SLMAP: variants seen among roughly 807,000 people sequenced by gnomAD.
The protein encoded by SLMAP is sarcolemmal membrane-associated protein.
Under a neutral mutation model 128.8 loss-of-function variants are expected in SLMAP, and 44 were observed. The observed-to-expected ratio is 0.34, with a 90% CI of 0.27 to 0.44. The LOEUF (loss-of-function observed/expected upper bound fraction) is 0.44, where lower values mean the gene tolerates loss of function less well. SLMAP is among the 20% of genes least tolerant of loss of function. The pLI is 1.00. For missense variants in SLMAP, 787 were observed against 985.3 expected (o/e 0.80, Z 2.69); for synonymous variants, 327 against 348.8 (o/e 0.94, Z 0.70).
intron 15 of SLMAP, chr3:57,890,945 T>A (rs2096053162): frequency 6.6e-6 from 1 of 152,224 alleles, no homozygotes; most frequent in South Asian, 2.1e-4. Flanking sequence ...ATTTCAAATA[T>A]CTCGTGGTTT....
At chr3:57,797,821 T>A (rs1324631859) in intron 2 of SLMAP, among the ~76,000 whole-genome samples, 1 of 152,138 alleles carries the variant, frequency 6.6e-6, no homozygotes, top group Non-Finnish European at 1.5e-5. Flanking sequence ...AAGTGATGAG[T>A]TGGGCTAAAA....
intron 2 of SLMAP, among the ~76,000 whole-genome samples, chr3:57,786,603 C>T (rs1280926499): frequency 6.8e-6 from 1 of 146,176 alleles, no homozygotes; most frequent in Admixed American, 7.0e-5. Context: ...GTTATCCAGG[C>T]TGGAGTGCAG....
In SLMAP at chr3:57,832,979, C is replaced by T. The variant is rs1374153000; in HGVS notation, c.346+1449C>T. Among the ~76,000 whole-genome samples, 3 of 152,150 alleles carry T rather than the reference C, an allele frequency of 2.0e-5. No homozygotes were observed. The East Asian group carries it at 5.8e-4, about 29-fold the overall frequency. The stretch of plus-strand genomic sequence containing the variant: ...TTAGACACTCCTATATCTGCTGTTG[C>T]CATATCACACCTACAAGTCATTCAG... On this transcript the variant is annotated intron_variant, in intron 3 of 24. Coordinates refer to ENST00000671191, the MANE Select transcript of SLMAP (RefSeq NM_001377540.1).
chr3:57,778,987 C>T (rs1429153987), intron 2 of SLMAP, among the ~76,000 whole-genome samples: 6 of 151,930 alleles, frequency 3.9e-5, no homozygotes, highest in African/African-American at 7.3e-5. Context: ...TGCCAGGAGA[C>T]GTGTTCAAGC....
At chr3:57,775,708 A>G (rs1216586537) in intron 2 of SLMAP, among the ~76,000 whole-genome samples, 1 of 151,252 alleles carries the variant, frequency 6.6e-6, no homozygotes, top group East Asian at 2.0e-4. Context: ...TGTTATTATG[A>G]TTATTGTTGA....
chr3:57,831,289 T>G lies in SLMAP; in HGVS notation c.199-94T>G, dbSNP rs2093323649. 1.2e-5 allele frequency: 10 copies of G among 846,852 alleles called. No homozygotes were observed. In the East Asian group the frequency reaches 2.5e-4, roughly 21 times the overall value. 52.5% of individuals were successfully genotyped at this position (846,852 alleles called of 1,614,324 possible). A position where few individuals can be genotyped will look rare whatever the true frequency, so the allele number is the denominator to read the frequency against. On this transcript the variant is annotated intron_variant, in intron 2 of 24. Transcript: ENST00000671191. Reference sequence around the variant, plus strand: ...TAATAGGGGAAAAATTCACTTGCAATAGTTGGCAAAGCTGGAAGCATTTTT... The same window carrying G: ...TAATAGGGGAAAAATTCACTTGCAAGAGTTGGCAAAGCTGGAAGCATTTTT...
chr3:57,892,055 A>G (rs567309016), intron 15 of SLMAP, among the ~76,000 whole-genome samples: 5 of 152,346 alleles, frequency 3.3e-5, no homozygotes, highest in African/African-American at 1.2e-4. Flanking sequence ...TAATACAAAT[A>G]TAAGTTTTAA....
intron 21 of SLMAP, among the ~76,000 whole-genome samples, chr3:57,915,132 T>G (rs556406743): frequency 6.6e-6 from 1 of 152,320 alleles, no homozygotes; most frequent in African/African-American, 2.4e-5. Context: ...CCTCCCTAAG[T>G]GCTGGGATTA....
chr3:57,886,231 G>A (rs190741621), intron 14 of SLMAP, among the ~76,000 whole-genome samples: 1 of 151,476 alleles, frequency 6.6e-6, no homozygotes, highest in African/African-American at 2.4e-5. Context: ...AGCCTCCTGA[G>A]TAGCTGGGAT....
chr3:57,779,195 T>C (rs2153456970), intron 2 of SLMAP, among the ~76,000 whole-genome samples: 1 of 152,190 alleles, frequency 6.6e-6, no homozygotes, highest in South Asian at 2.1e-4. Flanking sequence ...ACTTACACTG[T>C]GATGTCATTT....
intron 3 of SLMAP, among the ~76,000 whole-genome samples, chr3:57,833,427 A>AG (rs1255852560): frequency 7.4e-6 from 1 of 135,682 alleles, no homozygotes; most frequent in East Asian, 2.5e-4. Flanking sequence ...TAGTAACATT[A>AG]GTTTTTTTTT....
chr3:57,889,433 T>C (rs2096000813), intron 14 of SLMAP, among the ~76,000 whole-genome samples: 1 of 152,014 alleles, frequency 6.6e-6, no homozygotes, highest in Admixed American at 6.5e-5. Flanking sequence ...CATACAGGAG[T>C]AAATAAGGGG....
chr3:57,917,130 G>A, intron 22 of SLMAP, 53 bp downstream of exon 22: 1 of 1,609,772 alleles, frequency 6.2e-7, no homozygotes, highest in South Asian at 1.1e-5. Flanking sequence ...AAAGCCAAAA[G>A]CAAATCGGAT....
At position 57,843,170 on chromosome 3, in the gene SLMAP, T is replaced by C. The variant is rs372570145; in HGVS notation, c.419+1799T>C. Reference sequence around the variant, plus strand: ...TAGAGTTTAAGTTCCATTGTGTACATAGCATTTATTGCTTTTAAGAACTTC... The same window carrying C: ...TAGAGTTTAAGTTCCATTGTGTACACAGCATTTATTGCTTTTAAGAACTTC... On this transcript the variant is annotated intron_variant, in intron 4 of 24. Coordinates refer to ENST00000671191, the MANE Select transcript of SLMAP (RefSeq NM_001377540.1). Among the ~76,000 whole-genome samples the C allele has an allele frequency of 7.4e-4, 113 of 152,294 alleles. 2 individuals are homozygous for C. Among genetic ancestry groups the C allele is most frequent in the African/African-American group, 2.5e-3 (105 of 41,550 alleles).
intron 2 of SLMAP, among the ~76,000 whole-genome samples, chr3:57,784,076 A>T (rs1018816484): frequency 6.6e-6 from 1 of 152,196 alleles, no homozygotes; most frequent in African/African-American, 2.4e-5. Flanking sequence ...AAAGGATGTC[A>T]TGGATAGGCG....
At chr3:57,811,808 G>C (rs1262841704) in intron 2 of SLMAP, among the ~76,000 whole-genome samples, 2 of 152,058 alleles carry the variant, frequency 1.3e-5, no homozygotes, top group Admixed American at 6.6e-5. Flanking sequence ...CTCATTGTTT[G>C]CATTTCTCTA....
chr3:57,839,495 C>CA (rs200055652), intron 3 of SLMAP, among the ~76,000 whole-genome samples: 2,369 of 135,866 alleles, frequency 0.017, 59 homozygotes, highest in African/African-American at 0.064. Flanking sequence ...GGCTGGAGTG[C>CA]AGTGGCATGG....
intron 3 of SLMAP, among the ~76,000 whole-genome samples, chr3:57,832,881 T>C (rs1159178455): frequency 1.3e-5 from 2 of 152,220 alleles, no homozygotes; most frequent in Non-Finnish European, 2.9e-5. Flanking sequence ...AAGGTTTGTA[T>C]TTTGGTAAAG....
intron 14 of SLMAP, among the ~76,000 whole-genome samples, chr3:57,886,226 C>T (rs1227822309): frequency 6.6e-6 from 1 of 151,458 alleles, no homozygotes; most frequent in Non-Finnish European, 1.5e-5. Context: ...GCCTCAGCCT[C>T]CTGAGTAGCT....
Sources: allele counts gnomAD v4.1 joint callset (sites outside exome capture counted in the v4.1 genomes callset), GRCh38; gene constraint gnomAD v4.1.1; transcripts MANE v1.5; gene names NCBI Gene and HGNC (gene_info 2026-07-23, HGNC 2026-07-21).